Variants in HELQ observed in about 807,000 individuals in gnomAD.
The protein encoded by HELQ is helicase, POLQ like.
Under a neutral mutation model 111.6 loss-of-function variants are expected in HELQ, and 77 were observed. That is an observed-to-expected ratio of 0.69 (90% CI 0.57 to 0.83). The LOEUF (loss-of-function observed/expected upper bound fraction) is 0.83. HELQ is among the 40% of genes least tolerant of loss of function. The pLI, the probability that HELQ is intolerant of heterozygous loss-of-function variation, is 0.00. For missense variants in HELQ, 1,200 were observed against 1,288.5 expected, an observed-to-expected ratio of 0.93 and a Z score of 1.05; for synonymous variants, 438 against 454.7, an observed-to-expected ratio of 0.96 and a Z score of 0.47.
chr4:83,408,314 T>C (rs1738899901), intron 17 of HELQ, among the ~76,000 whole-genome samples: 1 of 151,538 alleles, frequency 6.6e-6, no homozygotes, highest in Non-Finnish European at 1.5e-5. Flanking sequence ...CACGGTGGCG[T>C]GATCTCAGCT....
At chr4:83,419,218 G>C (rs1286918531) in intron 15 of HELQ, among the ~76,000 whole-genome samples, 1 of 148,590 alleles carries the variant, frequency 6.7e-6, no homozygotes, top group East Asian at 2.0e-4. Flanking sequence ...TTTATGTGTG[G>C]CTCAAGACGA....
chr4:83,413,418 G>A (rs1178914711), intron 17 of HELQ, among the ~76,000 whole-genome samples: 1 of 152,048 alleles, frequency 6.6e-6, no homozygotes, highest in African/African-American at 2.4e-5. Flanking sequence ...TGTTGAGTGG[G>A]GGAACAACAA....
At chr4:83,412,687 C>T (rs1739166834) in intron 17 of HELQ, among the ~76,000 whole-genome samples, 1 of 152,142 alleles carries the variant, frequency 6.6e-6, no homozygotes, top group East Asian at 1.9e-4. Flanking sequence ...ATTAGCCAGG[C>T]GTGGCACCTG....
chr4:83,427,073 C>G (rs1460510231), intron 13 of HELQ, among the ~76,000 whole-genome samples: 4 of 152,156 alleles, frequency 2.6e-5, no homozygotes, highest in African/African-American at 9.7e-5. Context: ...TCTAAATCAT[C>G]AGAGATGGTT....
Position 83,448,682 on chromosome 4 carries a change from AAAG to A in HELQ, c.1191+98_1191+100del. ...AAGACTCCATCTCAAAAAAAAAAAA[AAAG>A]AGGTACTTCTCAACAATACAAAGTT... On this transcript the variant is annotated intron_variant, in intron 3 of 17. Coordinates refer to ENST00000295488, the MANE Select transcript of HELQ (RefSeq NM_133636.5). 1.7e-5 allele frequency: 18 copies of A among 1,054,884 alleles called. No homozygotes were observed. In the African/African-American group the frequency reaches 2.0e-4, roughly 12 times the overall value. The allele number at this position is 1,054,884 out of a possible 1,614,324, so 65.3% of individuals were successfully genotyped here.
intron 8 of HELQ, among the ~76,000 whole-genome samples, chr4:83,437,497 C>A (rs1215941921): frequency 6.6e-6 from 1 of 151,132 alleles, no homozygotes; most frequent in East Asian, 1.9e-4. Flanking sequence ...ACCTGCAGTT[C>A]CAGGCTATGG....
At chr4:83,410,440 T>C (rs572160701) in intron 17 of HELQ, among the ~76,000 whole-genome samples, 1 of 152,310 alleles carries the variant, frequency 6.6e-6, no homozygotes, top group Admixed American at 6.5e-5. Context: ...AAATAAATAC[T>C]GAATGTTTGT....
intron 2 of HELQ, among the ~76,000 whole-genome samples, chr4:83,451,821 C>T (rs914978526): frequency 6.6e-6 from 1 of 152,184 alleles, no homozygotes; most frequent in East Asian, 1.9e-4. Context: ...ACTTCCAGGG[C>T]AACACACACC....
rs756326555 is a variant in HELQ at position 83,453,394 on chromosome 4, T to C, written c.849A>G (p.Ile283Met). 1.0e-5 allele frequency: 16 copies of C among 1,605,886 alleles called. No individual in the cohort carries two copies. The East Asian group carries it at 3.6e-4, about 36-fold the overall frequency. Residue 283 changes from isoleucine (I) to methionine (M), a missense_variant, in exon 2 of 18, where the codon ATA becomes ATG. Physicochemically the swap from Ile to Met is conservative, Grantham distance 10. Around this residue, in one of 3 missense-constraint regions of HELQ, gnomAD observed 610 missense variants for 607.1 expected, o/e 1.00. Transcript: ENST00000295488. ...CTTTGAGCTGTTTACTTCTAGAAAA[T>C]ATTGGTGTCTGGGCCTTCGCATTTC... ...MTGNAKAQTP[I>M]FSRSKQLKDT...
chr4:83,455,652 G>A lies in HELQ; in HGVS notation c.42C>T (p.Leu14=), dbSNP rs764631625. The A allele has an allele frequency of 5.6e-6, 9 of 1,612,694 alleles. No homozygotes were observed. The highest frequency in any genetic ancestry group is 7.6e-6 in the Non-Finnish European group (9 of 1,179,988). The part of the protein sequence containing the change: ...CGSRIRRRVS[L]PKRNRPSLGC... ...CCAAGCTTGGACGGTTCCTTTTGGGGAGAGACACCCGCCGGCGGATGCGGG... is the reference window on the plus strand; with the variant it reads ...CCAAGCTTGGACGGTTCCTTTTGGGAAGAGACACCCGCCGGCGGATGCGGG... Residue 14 remains leucine, a synonymous_variant, in exon 1 of 18, where the codon CTC becomes CTT. Transcript: ENST00000295488.
chr4:83,437,313 T>G (rs1210961671), intron 8 of HELQ, among the ~76,000 whole-genome samples: 1 of 152,146 alleles, frequency 6.6e-6, no homozygotes, highest in Non-Finnish European at 1.5e-5. Context: ...TGTGAAAATC[T>G]TATCAAAACT....
Position 83,432,150 on chromosome 4 carries a change from T to C in HELQ, c.2166A>G (p.Ile722Met). The C allele has an allele frequency of 6.3e-7, 1 of 1,583,562 alleles. No individual in the cohort carries two copies. The highest frequency in any genetic ancestry group is 1.7e-4 in the Middle Eastern group (1 of 5,962). ...GIDTIGESIL[I>M]LQEKDKQQVL... ...CCTGTTGTTTGTCTTTTTCTTGCAA[T>C]ATGAGGATACTCTCCCCAATAGTAT... The change falls in exon 10 of 18, where the codon ATA becomes ATG. Residue 722 changes from isoleucine (I) to methionine (M), a missense_variant. Transcript: ENST00000295488.
At chr4:83,435,013 A>C (rs1720375107) in intron 9 of HELQ, among the ~76,000 whole-genome samples, 1 of 152,222 alleles carries the variant, frequency 6.6e-6, no homozygotes, top group Non-Finnish European at 1.5e-5. Flanking sequence ...CTATGAATGA[A>C]AAGTAGTACT....
chr4:83,423,372 G>A (rs1719647364), intron 14 of HELQ, among the ~76,000 whole-genome samples: 1 of 152,072 alleles, frequency 6.6e-6, no homozygotes. Flanking sequence ...ACAAATTGAA[G>A]GATGTATGAG....
At chr4:83,447,156 TG>T (rs1721096010) in intron 3 of HELQ, 121 bp from the exon 4 acceptor site, 1 of 655,386 alleles carries the variant, frequency 1.5e-6, no homozygotes, top group Admixed American at 2.8e-5. Flanking sequence ...GAGACCAGCC[TG>T]GGCAACACAG....
At chr4:83,416,353 T>C (rs1739358419) in intron 17 of HELQ, among the ~76,000 whole-genome samples, 2 of 152,008 alleles carry the variant, frequency 1.3e-5, no homozygotes, top group Admixed American at 6.5e-5. Context: ...CCGGAGTAGC[T>C]AGAACTACAG....
At chr4:83,429,178 G>T (rs1311846223) in intron 12 of HELQ, among the ~76,000 whole-genome samples, 4 of 152,012 alleles carry the variant, frequency 2.6e-5, no homozygotes, top group Non-Finnish European at 5.9e-5. Flanking sequence ...TGGAGTCTCG[G>T]CTCTGTTGCC....
intron 2 of HELQ, among the ~76,000 whole-genome samples, chr4:83,450,222 TAAAAAAAAA>T (rs71668650): frequency 1.0e-3 from 47 of 45,598 alleles, no homozygotes; most frequent in South Asian, 1.8e-3. Flanking sequence ...CAGTTAAGTT[TAAAAAAAAA>T]AAAAAAAAAA....
At chr4:83,433,699 T>C (rs2109990437) in intron 9 of HELQ, among the ~76,000 whole-genome samples, 1 of 146,858 alleles carries the variant, frequency 6.8e-6, no homozygotes, top group East Asian at 2.0e-4. Flanking sequence ...GAGTAGACTA[T>C]TGGCCGTGTG....
Sources: allele counts gnomAD v4.1 joint callset (sites outside exome capture counted in the v4.1 genomes callset), GRCh38; gene constraint gnomAD v4.1.1; regional missense constraint gnomAD v4.1.1; transcripts MANE v1.5; gene names NCBI Gene and HGNC (gene_info 2026-07-23, HGNC 2026-07-21).